CDK14: variants seen among roughly 807,000 people sequenced by gnomAD.
The protein encoded by CDK14 is cyclin dependent kinase 14, also known as cyclin-dependent kinase 14.
A neutral mutation model predicts 60.7 loss-of-function variants in CDK14; 34 were observed. The observed-to-expected ratio is 0.56, with a 90% CI of 0.43 to 0.75. The LOEUF (loss-of-function observed/expected upper bound fraction) is 0.75. Among genes scored for constraint, CDK14 ranks in the 30% least tolerant of loss-of-function variants. CDK14 has a pLI of 0.00. For synonymous variants in CDK14, 197 were observed against 203.7 expected, an observed-to-expected ratio of 0.97 and a Z score of 0.28; for missense variants, 482 against 564.1, an observed-to-expected ratio of 0.85 and a Z score of 1.47.
chr7:90,638,159 T>C (rs1490720344), intron 2 of CDK14, among the ~76,000 whole-genome samples: 1 of 152,134 alleles, frequency 6.6e-6, no homozygotes, highest in Non-Finnish European at 1.5e-5. Flanking sequence ...ATGTGTGAAT[T>C]TGATCCTGCC....
intron 4 of CDK14, among the ~76,000 whole-genome samples, chr7:90,769,948 A>G (rs1804719720): frequency 6.6e-6 from 1 of 152,260 alleles, no homozygotes; most frequent in African/African-American, 2.4e-5. Context: ...GAAAAGCCAT[A>G]TAAACATGAA....
At chr7:90,815,669 A>G (rs1409868558) in intron 5 of CDK14, among the ~76,000 whole-genome samples, 6 of 152,244 alleles carry the variant, frequency 3.9e-5, no homozygotes, top group Admixed American at 3.9e-4. Flanking sequence ...AACCAATCCA[A>G]ATGCCCATCA....
At chr7:90,908,802 A>C (rs1004621512) in intron 7 of CDK14, among the ~76,000 whole-genome samples, 1 of 152,296 alleles carries the variant, frequency 6.6e-6, no homozygotes, top group African/African-American at 2.4e-5. Context: ...TGTTGATCAT[A>C]CGTATCTAAA....
chr7:91,178,861 G>C (rs1801881291), intron 14 of CDK14, among the ~76,000 whole-genome samples: 1 of 151,940 alleles, frequency 6.6e-6, no homozygotes, highest in Non-Finnish European at 1.5e-5. Flanking sequence ...CTGTTGATGG[G>C]ACTGTAAACT....
At chr7:91,057,271 ATTTG>A (rs1562885896) in intron 11 of CDK14, among the ~76,000 whole-genome samples, 1 of 151,958 alleles carries the variant, frequency 6.6e-6, no homozygotes, top group Non-Finnish European at 1.5e-5. Flanking sequence ...TTTCTTGTAA[ATTTG>A]TTTGAGTTCA....
chr7:90,608,853 C>T (rs1490151900), intron 2 of CDK14, among the ~76,000 whole-genome samples: 2 of 152,120 alleles, frequency 1.3e-5, no homozygotes, highest in Non-Finnish European at 2.9e-5. Context: ...AAAAATTCTA[C>T]ATCTGGTCTG....
intron 12 of CDK14, among the ~76,000 whole-genome samples, chr7:91,104,079 T>A (rs973682166): frequency 1.3e-5 from 2 of 152,202 alleles, no homozygotes; most frequent in Admixed American, 6.5e-5. Flanking sequence ...AGTTTTTTTT[T>A]AAAAGAGTTT....
chr7:90,802,686 G>A lies in CDK14; in HGVS notation c.544+12034G>A, dbSNP rs149093451. On this transcript the variant is annotated intron_variant, in intron 5 of 14. Coordinates refer to ENST00000380050, the MANE Select transcript of CDK14 (RefSeq NM_001287135.2). ...GGATGAAAATACGACTCAACTTACA[G>A]GCTTCTTGGGACATTATATCCATCA... Among the ~76,000 whole-genome samples, 257 of 152,180 alleles carry A rather than the reference G, an allele frequency of 1.7e-3. 8 individuals carry two copies. In the East Asian group the frequency reaches 0.045, roughly 27 times the overall value.
intron 2 of CDK14, among the ~76,000 whole-genome samples, chr7:90,720,260 G>A (rs564433398): frequency 6.6e-6 from 1 of 152,290 alleles, no homozygotes; most frequent in East Asian, 1.9e-4. Flanking sequence ...GTCCGAGTGG[G>A]TGGGATTTAA....
At chr7:90,941,195 A>G (rs1236357510) in intron 8 of CDK14, among the ~76,000 whole-genome samples, 1 of 152,228 alleles carries the variant, frequency 6.6e-6, no homozygotes, top group Non-Finnish European at 1.5e-5. Context: ...AGAATTAGAT[A>G]TGGGAAGTGG....
chr7:91,177,563 A>G (rs939406685), intron 14 of CDK14, among the ~76,000 whole-genome samples: 3 of 152,104 alleles, frequency 2.0e-5, no homozygotes, highest in South Asian at 2.1e-4. Context: ...AGAAAACCCC[A>G]TTGTCTCAGC....
At chr7:90,834,344 G>A (rs186420208) in intron 5 of CDK14, among the ~76,000 whole-genome samples, 77 of 152,324 alleles carry the variant, frequency 5.1e-4, no homozygotes, top group Non-Finnish European at 2.5e-4. Flanking sequence ...AACAATGGGA[G>A]TATGTCAGAC....
intron 3 of CDK14, among the ~76,000 whole-genome samples, chr7:90,745,446 C>T (rs1253618079): frequency 1.2e-4 from 19 of 152,210 alleles, no homozygotes; most frequent in Admixed American, 1.2e-3. Flanking sequence ...GATGTAACCT[C>T]TCCCTGAAGT....
intron 9 of CDK14, among the ~76,000 whole-genome samples, chr7:90,956,479 TA>T (rs1440597837): frequency 1.3e-5 from 2 of 152,138 alleles, no homozygotes; most frequent in African/African-American, 2.4e-5. Flanking sequence ...AATAAGGGAA[TA>T]ATCTAATTTT....
intron 10 of CDK14, among the ~76,000 whole-genome samples, chr7:91,003,576 C>T (rs1315275426): frequency 6.6e-6 from 1 of 152,144 alleles, no homozygotes; most frequent in Non-Finnish European, 1.5e-5. Flanking sequence ...TCTGGGGTCC[C>T]TCTCTCTCCT....
chr7:90,834,692 G>A (rs1364287863), intron 5 of CDK14, among the ~76,000 whole-genome samples: 4 of 152,152 alleles, frequency 2.6e-5, no homozygotes, highest in Admixed American at 6.5e-5. Context: ...ACTTTCTGCT[G>A]GATTGATCCA....
intron 2 of CDK14, among the ~76,000 whole-genome samples, chr7:90,625,517 G>A (rs1487330618): frequency 8.5e-5 from 13 of 152,092 alleles, no homozygotes; most frequent in Admixed American, 6.5e-4. Flanking sequence ...TTTAATTTGT[G>A]TAATTATTGA....
intron 9 of CDK14, among the ~76,000 whole-genome samples, chr7:90,971,697 G>C (rs2117630926): frequency 6.7e-6 from 1 of 150,206 alleles, no homozygotes; most frequent in Non-Finnish European, 1.5e-5. Context: ...ATGATTCCTG[G>C]GTTTCTGGAT....
chr7:90,890,430 A>G (rs1269800467), intron 6 of CDK14, among the ~76,000 whole-genome samples: 1 of 152,132 alleles, frequency 6.6e-6, no homozygotes, highest in African/African-American at 2.4e-5. Context: ...CCCCTTTGAT[A>G]TATAATGTAC....
Sources: allele counts gnomAD v4.1 joint callset (sites outside exome capture counted in the v4.1 genomes callset), GRCh38; gene constraint gnomAD v4.1.1; transcripts MANE v1.5; gene names NCBI Gene and HGNC (gene_info 2026-07-23, HGNC 2026-07-21).